CCDC146: variants seen among roughly 807,000 people sequenced by gnomAD.
CCDC146 encodes the protein coiled-coil domain containing 146.
CCDC146 carries 92 observed loss-of-function variants against 119.3 expected under a neutral mutation model. That is an observed-to-expected ratio of 0.77 (90% CI 0.65 to 0.92). The LOEUF is 0.92. Ranked by LOEUF, CCDC146 falls within the 40% of genes least tolerant of loss-of-function variation. The probability of loss-of-function intolerance (pLI) is 0.00; values close to 1 mark genes in which losing one functional copy is unlikely to be tolerated. For synonymous variants in CCDC146, 372 were observed against 371.8 expected (o/e 1.00, Z -0.01); for missense variants, 1,000 against 1,103.0 (o/e 0.91, Z 1.32).
At chr7:77,142,588 C>T (rs1166785434) in intron 1 of CCDC146, among the ~76,000 whole-genome samples, 47 of 151,968 alleles carry the variant, frequency 3.1e-4, no homozygotes, top group Admixed American at 1.8e-3. Context: ...CAACAGGCCC[C>T]GGTGTGTGAT....
intron 1 of CCDC146, among the ~76,000 whole-genome samples, chr7:77,159,863 T>C (rs1791232224): frequency 6.6e-6 from 1 of 152,214 alleles, no homozygotes; most frequent in Admixed American, 6.5e-5. Flanking sequence ...TCCTGAATGG[T>C]AATGCCTAGG....
At chr7:77,256,310 A>C (rs1180300524) in intron 5 of CCDC146, 23 bp from the exon 6 acceptor site, 2 of 1,560,938 alleles carry the variant, frequency 1.3e-6, no homozygotes, top group Non-Finnish European at 8.7e-7. Flanking sequence ...TATATAACCT[A>C]ATCATCTTCA....
intron 17 of CCDC146, among the ~76,000 whole-genome samples, chr7:77,292,698 G>GTTAT (rs1442397856): frequency 6.6e-6 from 1 of 150,380 alleles, no homozygotes; most frequent in African/African-American, 2.4e-5. Flanking sequence ...TCTCCTCAAT[G>GTTAT]TTATTCACCT....
intron 4 of CCDC146, among the ~76,000 whole-genome samples, chr7:77,249,743 TTTTG>T (rs1164152229): frequency 3.9e-5 from 6 of 152,176 alleles, no homozygotes; most frequent in Admixed American, 1.3e-4. Flanking sequence ...TGAGTCTTGT[TTTTG>T]TTTGTTTGTT....
At chr7:77,243,947 T>C (rs892118536) in intron 4 of CCDC146, among the ~76,000 whole-genome samples, 2 of 152,128 alleles carry the variant, frequency 1.3e-5, no homozygotes, top group African/African-American at 4.8e-5. Flanking sequence ...AGTGCAATTT[T>C]GGCTCACTGC....
chr7:77,177,024 T>C (rs1027278811), intron 2 of CCDC146, among the ~76,000 whole-genome samples: 19 of 151,644 alleles, frequency 1.3e-4, no homozygotes, highest in African/African-American at 4.4e-4. Flanking sequence ...TATGTAGAGA[T>C]AGAGTTTCAC....
At chr7:77,173,665 C>A (rs1482592262) in intron 2 of CCDC146, among the ~76,000 whole-genome samples, 4 of 152,170 alleles carry the variant, frequency 2.6e-5, no homozygotes, top group Non-Finnish European at 5.9e-5. Context: ...GGAAACCAAG[C>A]CACACAACTC....
intron 2 of CCDC146, among the ~76,000 whole-genome samples, chr7:77,224,133 A>G (rs1325474892): frequency 6.6e-6 from 1 of 152,202 alleles, no homozygotes; most frequent in African/African-American, 2.4e-5. Flanking sequence ...AATTACCACA[A>G]ACTTAGTGGC....
At chr7:77,233,273 G>C (rs1002190201) in intron 2 of CCDC146, among the ~76,000 whole-genome samples, 2 of 151,862 alleles carry the variant, frequency 1.3e-5, no homozygotes, top group African/African-American at 2.4e-5. Flanking sequence ...TGTATTTTTA[G>C]TAGAGATGGG....
chr7:77,235,463 A>G (rs940983806), intron 2 of CCDC146, among the ~76,000 whole-genome samples: 1 of 152,202 alleles, frequency 6.6e-6, no homozygotes, highest in Admixed American at 6.5e-5. Context: ...AGAGACTCAT[A>G]CATCTGTGGA....
In CCDC146 at chr7:77,234,463, A is replaced by G. The variant is rs1792695789; in HGVS notation, c.157-2484A>G. ...AAAAAGTTACAAATAGACCGGGCGC[A>G]GTGGCTCACGCCTGTAATCCTAACA... On this transcript the variant is annotated intron_variant, in intron 2 of 18. Coordinates refer to ENST00000285871, the MANE Select transcript of CCDC146 (RefSeq NM_020879.3). 2.0e-5 allele frequency among the ~76,000 whole-genome samples: 3 copies of G among 152,202 alleles called. 1 individual carries two copies. The highest frequency in any genetic ancestry group is 4.1e-4 in the South Asian group (2 of 4,838).
intron 1 of CCDC146, among the ~76,000 whole-genome samples, chr7:77,163,128 T>G (rs943415926): frequency 2.0e-5 from 3 of 152,124 alleles, no homozygotes; most frequent in Non-Finnish European, 2.9e-5. Flanking sequence ...GAACCTAAGT[T>G]TTCAAAGTTA....
At chr7:77,125,368 A>G (rs1481978029) in intron 1 of CCDC146, among the ~76,000 whole-genome samples, 2 of 151,608 alleles carry the variant, frequency 1.3e-5, no homozygotes, top group African/African-American at 4.9e-5. Flanking sequence ...TGTAATAATA[A>G]TAATAAATTT....
intron 1 of CCDC146, among the ~76,000 whole-genome samples, chr7:77,125,081 C>T (rs1790674282): frequency 6.6e-6 from 1 of 151,868 alleles, no homozygotes; most frequent in South Asian, 2.1e-4. Context: ...GTAATCCCAG[C>T]TACTCAGGAG....
intron 1 of CCDC146, among the ~76,000 whole-genome samples, chr7:77,149,864 T>C (rs189770917): frequency 3.2e-4 from 49 of 151,918 alleles, no homozygotes; most frequent in Non-Finnish European, 6.6e-4. Flanking sequence ...TAAGAATAGA[T>C]ACATATGGAA....
At chr7:77,239,664 T>G (rs937515110) in intron 3 of CCDC146, among the ~76,000 whole-genome samples, 2 of 152,198 alleles carry the variant, frequency 1.3e-5, no homozygotes, top group Non-Finnish European at 2.9e-5. Flanking sequence ...GAGCTCTGGC[T>G]CTAAAACAGG....
chr7:77,162,271 G>A (rs1276585961), intron 1 of CCDC146, among the ~76,000 whole-genome samples: 4 of 151,754 alleles, frequency 2.6e-5, no homozygotes, highest in Admixed American at 6.6e-5. Flanking sequence ...GGAGTTTTAT[G>A]CTTTCAGATC....
At chr7:77,284,693 CACTTTTACCCAAGA>C (rs1793818689) in intron 15 of CCDC146, among the ~76,000 whole-genome samples, 1 of 150,854 alleles carries the variant, frequency 6.6e-6, no homozygotes, top group Non-Finnish European at 1.5e-5. Context: ...AATGTAAATT[CACTTTTACCCAAGA>C]AGGAAATATT....
At chr7:77,206,341 G>T (rs893287326) in intron 2 of CCDC146, among the ~76,000 whole-genome samples, 5 of 152,090 alleles carry the variant, frequency 3.3e-5, no homozygotes, top group Admixed American at 1.3e-4. Context: ...ATATAGGCAG[G>T]CACAGTAGCT....
Sources: allele counts gnomAD v4.1 joint callset (sites outside exome capture counted in the v4.1 genomes callset), GRCh38; gene constraint gnomAD v4.1.1; transcripts MANE v1.5; gene names NCBI Gene and HGNC (gene_info 2026-07-23, HGNC 2026-07-21).